The following SLC25A48 variants were observed in gnomAD, a reference collection of about 807,000 sequenced individuals.
SLC25A48 encodes solute carrier family 25 member 48, also known as CTC-321K16.1.
In SLC25A48, 29 loss-of-function variants were observed where a neutral mutation model predicts 32.2. The observed-to-expected ratio is 0.90, with a 90% CI of 0.67 to 1.23. The LOEUF is 1.23. Among genes scored for constraint, SLC25A48 ranks in the 50% most tolerant of loss-of-function variants. SLC25A48 has a pLI of 0.00. For synonymous variants in SLC25A48, 164 were observed against 172.3 expected, an observed-to-expected ratio of 0.95 and a Z score of 0.38; for missense variants, 399 against 422.7, an observed-to-expected ratio of 0.94 and a Z score of 0.49.
intron 4 of SLC25A48, among the ~76,000 whole-genome samples, chr5:135,867,920 CA>C (rs1761329679): frequency 6.6e-6 from 1 of 152,322 alleles, no homozygotes; most frequent in South Asian, 2.1e-4. Context: ...CAATGAGTGA[CA>C]CCTCATGATA....
chr5:135,882,194 G>A (rs2126840966), intron 7 of SLC25A48, among the ~76,000 whole-genome samples: 1 of 152,368 alleles, frequency 6.6e-6, no homozygotes, highest in East Asian at 1.9e-4. Flanking sequence ...GGAGGCTATT[G>A]CCTCCTGGTG....
intron 3 of SLC25A48, chr5:135,746,198 C>G: frequency 6.2e-6 from 1 of 160,378 alleles, no homozygotes; most frequent in Non-Finnish European, 1.4e-5. Context: ...CTCCCATGTG[C>G]AGCCTTTTCC....
At chr5:135,723,242 GGGT>G (rs1755002886) in intron 3 of SLC25A48, among the ~76,000 whole-genome samples, 1 of 152,120 alleles carries the variant, frequency 6.6e-6, no homozygotes, top group Non-Finnish European at 1.5e-5. Context: ...GCCCAACAAT[GGGT>G]TTTCATTGGC....
intron 3 of SLC25A48, among the ~76,000 whole-genome samples, chr5:135,728,555 T>G (rs10455056): frequency 0.29 from 43,705 of 152,012 alleles, 6,461 homozygotes; most frequent in East Asian, 0.47. Flanking sequence ...GTTTCTTTTT[T>G]AAATTTCTTG....
At chr5:135,701,279 G>T (rs2126966453) in intron 3 of SLC25A48, among the ~76,000 whole-genome samples, 1 of 152,264 alleles carries the variant, frequency 6.6e-6, no homozygotes, top group East Asian at 1.9e-4. Context: ...AAGCTTCAGT[G>T]ACATGGCTAG....
intron 3 of SLC25A48, among the ~76,000 whole-genome samples, chr5:135,757,936 T>C (rs1055757811): frequency 2.0e-5 from 3 of 150,494 alleles, no homozygotes; most frequent in Non-Finnish European, 4.5e-5. Context: ...TAATAAAATA[T>C]CTACATGATA....
rs570411751 is a variant in SLC25A48, at chr5:135,736,419, A to G, written c.-520-76104A>G. Among the ~76,000 whole-genome samples the G allele has an allele frequency of 2.6e-3, 394 of 152,122 alleles. 2 individuals are homozygous for G. The highest frequency in any genetic ancestry group is 9.4e-3 in the African/African-American group (388 of 41,486). On this transcript the variant is annotated intron_variant, in intron 3 of 10. Transcript: ENST00000646290. ...TAGGTTTTAGGTCAGGTGTGAGTTG[A>G]GGAGGTTTTAAGTTTTTGAGAACAC...
chr5:135,769,017 C>T (rs575588619), intron 3 of SLC25A48, among the ~76,000 whole-genome samples: 22 of 151,382 alleles, frequency 1.5e-4, no homozygotes, highest in East Asian at 9.8e-4. Flanking sequence ...CACACCTCTG[C>T]GATCTTGTTT....
chr5:135,722,317 T>G (rs76895297), intron 3 of SLC25A48, among the ~76,000 whole-genome samples: 1 of 152,192 alleles, frequency 6.6e-6, no homozygotes, highest in Non-Finnish European at 1.5e-5. Context: ...TCGGAGGTTC[T>G]ATACTACCTG....
intron 3 of SLC25A48, among the ~76,000 whole-genome samples, chr5:135,802,251 T>C (rs1269404752): frequency 1.3e-5 from 2 of 151,882 alleles, no homozygotes; most frequent in East Asian, 3.9e-4. Context: ...GTGTACACCA[T>C]GCATGTATAC....
chr5:135,604,634 G>A (rs2126886280), intron 1 of SLC25A48, among the ~76,000 whole-genome samples: 1 of 152,346 alleles, frequency 6.6e-6, no homozygotes, highest in East Asian at 1.9e-4. Context: ...TGATGTTTGG[G>A]AAGAAGCTTT....
chr5:135,880,176 T>G, intron 7 of SLC25A48, 79 bp downstream of exon 7: 1 of 1,483,124 alleles, frequency 6.7e-7, no homozygotes, highest in Non-Finnish European at 8.9e-7. Flanking sequence ...GAGAATGTTG[T>G]GGCCTTCTGA....
At chr5:135,717,778 G>A (rs1030827923) in intron 3 of SLC25A48, among the ~76,000 whole-genome samples, 46 of 152,134 alleles carry the variant, frequency 3.0e-4, no homozygotes, top group African/African-American at 1.0e-3. Flanking sequence ...CTGATCCCAC[G>A]ATTTGATTTC....
intron 3 of SLC25A48, among the ~76,000 whole-genome samples, chr5:135,769,623 A>G (rs1756348169): frequency 6.6e-6 from 1 of 151,340 alleles, no homozygotes; most frequent in Non-Finnish European, 1.5e-5. Flanking sequence ...GATATTGTTC[A>G]TAATATCCAG....
chr5:135,714,003 C>T (rs545137345), intron 3 of SLC25A48, among the ~76,000 whole-genome samples: 17 of 152,178 alleles, frequency 1.1e-4, no homozygotes, highest in Non-Finnish European at 1.9e-4. Context: ...AGCAGGAGTG[C>T]GGGCGAGATG....
chr5:135,664,317 C>T (rs1019903475), intron 3 of SLC25A48, among the ~76,000 whole-genome samples: 1 of 152,258 alleles, frequency 6.6e-6, no homozygotes, highest in Admixed American at 6.5e-5. Flanking sequence ...TCCCATATCT[C>T]TTGGGCAAAT....
In SLC25A48 at chr5:135,880,099, T is replaced by G. The variant is rs771985841; in HGVS notation, c.*7+2T>G. The G allele has an allele frequency of 2.0e-6, 3 of 1,535,140 alleles. No individual in the cohort carries two copies. The South Asian group carries it at 3.6e-5, about 18-fold the overall frequency. ...CAGTGACGAGCCCATAAGCGCCAGG[T>G]CAGTGTGCTTCCATCCTGGCCAATT... On this transcript the variant is annotated splice_donor_variant, in intron 7 of 7. Coordinates refer to ENST00000681962, the MANE Select transcript of SLC25A48 (RefSeq NM_001349336.2). LOFTEE classifies it low-confidence loss of function (3UTR_SPLICE).
upstream of SLC25A48, among the ~76,000 whole-genome samples, chr5:135,834,458 C>T (rs1758330424): frequency 6.6e-6 from 1 of 152,254 alleles, no homozygotes; most frequent in Non-Finnish European, 1.5e-5. Flanking sequence ...TCTGGATGGG[C>T]GGCTGGCACT....
intron 3 of SLC25A48, among the ~76,000 whole-genome samples, chr5:135,635,817 C>T (rs114095051): frequency 0.011 from 1,709 of 152,246 alleles, 29 homozygotes; most frequent in Middle Eastern, 0.034. Flanking sequence ...AATGGGATAC[C>T]GCTAAGTGAC....
Sources: gnomAD v4.1 joint callset for allele counts (sites outside exome capture counted in the v4.1 genomes callset) on GRCh38, gnomAD v4.1.1 for gene constraint, MANE v1.5 for transcripts, NCBI Gene and HGNC (gene_info 2026-07-23, HGNC 2026-07-21) for gene names.